The following FGF12 variants were observed in gnomAD, a reference collection of about 807,000 sequenced individuals.
FGF12 encodes the protein fibroblast growth factor 12, also known as fibroblast growth factor 12B.
Under a neutral mutation model 23.6 loss-of-function variants are expected in FGF12, and 14 were observed. The ratio of observed to expected loss-of-function variants is 0.59; its 90% CI spans 0.39 to 0.93. The LOEUF (loss-of-function observed/expected upper bound fraction) is 0.93. Among genes scored for constraint, FGF12 ranks in the 40% least tolerant of loss-of-function variants. FGF12 has a pLI of 0.00. For synonymous variants in FGF12, 62 were observed against 77.3 expected (o/e 0.80, Z 1.04); for missense variants, 175 against 217.8 (o/e 0.80, Z 1.24).
At chr3:192,188,687 G>C (rs1258478175) in intron 4 of FGF12, among the ~76,000 whole-genome samples, 1 of 152,190 alleles carries the variant, frequency 6.6e-6, no homozygotes, top group African/African-American at 2.4e-5. Flanking sequence ...AATTTTGCCT[G>C]TGCCATTTAT....
At chr3:192,624,509 A>G (rs1715093418) in intron 2 of FGF12, among the ~76,000 whole-genome samples, 1 of 152,106 alleles carries the variant, frequency 6.6e-6, no homozygotes, top group Non-Finnish European at 1.5e-5. Context: ...TTAGGTGTTC[A>G]TTTATATTTT....
intron 4 of FGF12, among the ~76,000 whole-genome samples, chr3:192,331,328 A>AC (rs1717111092): frequency 1.3e-5 from 2 of 150,310 alleles, no homozygotes; most frequent in South Asian, 4.2e-4. Flanking sequence ...AAAAAAAAAA[A>AC]AAAACAAAAA....
At chr3:192,679,905 A>G (rs1445397012) in intron 2 of FGF12, among the ~76,000 whole-genome samples, 1 of 152,142 alleles carries the variant, frequency 6.6e-6, no homozygotes, top group African/African-American at 2.4e-5. Context: ...ATTCTTCCTG[A>G]GCTGGGGCAG....
At chr3:192,181,944 A>G (rs1012320319) in intron 4 of FGF12, among the ~76,000 whole-genome samples, 2 of 152,202 alleles carry the variant, frequency 1.3e-5, no homozygotes, top group Non-Finnish European at 2.9e-5. Context: ...CACTATAAAT[A>G]TGTTCTAGAG....
chr3:192,511,092 T>G (rs570957029), intron 2 of FGF12, among the ~76,000 whole-genome samples: 2 of 152,194 alleles, frequency 1.3e-5, no homozygotes, highest in East Asian at 3.9e-4. Flanking sequence ...CATCTGATAA[T>G]CCTTCAGGCT....
At chr3:192,285,284 C>G (rs1047307994) in intron 4 of FGF12, among the ~76,000 whole-genome samples, 2 of 151,992 alleles carry the variant, frequency 1.3e-5, no homozygotes, top group Non-Finnish European at 2.9e-5. Flanking sequence ...AGTAACTTGG[C>G]CATAACCACA....
At chr3:192,604,833 A>T (rs1404070148) in intron 2 of FGF12, among the ~76,000 whole-genome samples, 1 of 152,214 alleles carries the variant, frequency 6.6e-6, no homozygotes, top group Non-Finnish European at 1.5e-5. Flanking sequence ...TAACTAAAAC[A>T]GCATAGTATG....
chr3:192,406,721 C>T (rs1720972117), intron 2 of FGF12, among the ~76,000 whole-genome samples: 1 of 152,170 alleles, frequency 6.6e-6, no homozygotes, highest in East Asian at 1.9e-4. Context: ...TGGACAATGT[C>T]ATGAAAACCC....
At chr3:192,186,510 A>G (rs1315599372) in intron 4 of FGF12, among the ~76,000 whole-genome samples, 2 of 152,234 alleles carry the variant, frequency 1.3e-5, no homozygotes, top group Admixed American at 6.5e-5. Flanking sequence ...TCATTCTATT[A>G]AAGTTATTTT....
intron 2 of FGF12, among the ~76,000 whole-genome samples, chr3:192,427,051 T>C (rs932451561): frequency 1.3e-5 from 2 of 152,166 alleles, no homozygotes; most frequent in African/African-American, 2.4e-5. Context: ...CTTTTTTTCC[T>C]GGGACTTTTC....
At chr3:192,438,163 C>G (rs1722086207) in intron 2 of FGF12, among the ~76,000 whole-genome samples, 1 of 152,158 alleles carries the variant, frequency 6.6e-6, no homozygotes, top group African/African-American at 2.4e-5. Context: ...TGATGAGATC[C>G]TATTGTCCTT....
chr3:192,414,350 T>A (rs1359670625), intron 2 of FGF12, among the ~76,000 whole-genome samples: 1 of 152,190 alleles, frequency 6.6e-6, no homozygotes, highest in Non-Finnish European at 1.5e-5. Flanking sequence ...TTAACCAAGG[T>A]CACCCAGCTA....
At chr3:192,596,444 T>A (rs1713858570) in intron 2 of FGF12, among the ~76,000 whole-genome samples, 1 of 152,132 alleles carries the variant, frequency 6.6e-6, no homozygotes, top group African/African-American at 2.4e-5. Flanking sequence ...TTTCCTAAGC[T>A]TTTCATATTC....
rs1412829799 is a variant in FGF12 at position 192,300,383 on chromosome 3, C to T, written c.228+34978G>A. Among the ~76,000 whole-genome samples the T allele has an allele frequency of 2.0e-5, 3 of 152,150 alleles. No homozygotes were observed. In the East Asian group the frequency reaches 5.8e-4, roughly 29 times the overall value. On this transcript the variant is annotated intron_variant, in intron 4 of 5. Coordinates refer to ENST00000445105, the MANE Select transcript of FGF12 (RefSeq NM_004113.6). ...GGTTATATAAAACTTAACAATGGGG[C>T]TGTCCAGATGGGACCTAATAGTTTA...
intron 2 of FGF12, among the ~76,000 whole-genome samples, chr3:192,424,530 C>T (rs1045979338): frequency 6.6e-6 from 1 of 152,148 alleles, no homozygotes; most frequent in African/African-American, 2.4e-5. Flanking sequence ...AATTAGTTCA[C>T]CCCTTGTGCA....
At chr3:192,347,735 G>C (rs1292935558) in intron 3 of FGF12, among the ~76,000 whole-genome samples, 1 of 152,088 alleles carries the variant, frequency 6.6e-6, no homozygotes, top group Non-Finnish European at 1.5e-5. Context: ...TTCAAAAATG[G>C]CTTCTTACCC....
At chr3:192,388,776 A>G (rs1409633038) in intron 2 of FGF12, among the ~76,000 whole-genome samples, 1 of 152,128 alleles carries the variant, frequency 6.6e-6, no homozygotes, top group Non-Finnish European at 1.5e-5. Flanking sequence ...AATTCTATAA[A>G]TAAGTATTCA....
chr3:192,147,669 T>C (rs1274604406), intron 5 of FGF12, among the ~76,000 whole-genome samples: 1 of 152,128 alleles, frequency 6.6e-6, no homozygotes, highest in Non-Finnish European at 1.5e-5. Flanking sequence ...TTTTTTTAAA[T>C]ATAAAAGAAA....
Position 192,303,159 on chromosome 3 carries a change from C to T in FGF12, c.228+32202G>A, listed in dbSNP as rs866061034. Among the ~76,000 whole-genome samples, 4 of 152,074 alleles carry T rather than the reference C, an allele frequency of 2.6e-5. No homozygotes were observed. In the South Asian group the frequency reaches 8.3e-4, roughly 31 times the overall value. On this transcript the variant is annotated intron_variant, in intron 4 of 5. Coordinates refer to ENST00000445105, the MANE Select transcript of FGF12 (RefSeq NM_004113.6). ...AATTCTGCATTTCATATGTTAATTG[C>T]AATGTACTTTTTCTTTTGTAAGGTG...
Sources: allele counts gnomAD v4.1 joint callset (sites outside exome capture counted in the v4.1 genomes callset), GRCh38; gene constraint gnomAD v4.1.1; transcripts MANE v1.5; gene names NCBI Gene and HGNC (gene_info 2026-07-23, HGNC 2026-07-21).